The following GPX1 variants were observed in gnomAD, a reference collection of about 807,000 sequenced individuals.
GPX1 encodes the protein glutathione peroxidase 1.
GPX1 carries 8 observed loss-of-function variants against 11.5 expected under a neutral mutation model. That is an observed-to-expected ratio of 0.70 (90% CI 0.41 to 1.25). The LOEUF (loss-of-function observed/expected upper bound fraction) is 1.25, where lower values mean the gene tolerates loss of function less well. Ranked by LOEUF, GPX1 falls within the 50% of genes most tolerant of loss-of-function variation. The pLI is 0.01. For synonymous variants in GPX1, 142 were observed against 127.8 expected (o/e 1.11, Z -0.75); for missense variants, 266 against 284.3 (o/e 0.94, Z 0.46).
Position 49,357,421 on chromosome 3 carries a change from T to C in GPX1, c.579A>G (p.Glu193=), listed in dbSNP as rs781239947. ...FQTIDIEPDI[E]ALLSQGPSCA Reference sequence around the variant, plus strand: ...AGCTGGGCCCTTGAGACAGCAGGGCTTCGATGTCAGGCTCGATGTCAATGG... The same window carrying C: ...AGCTGGGCCCTTGAGACAGCAGGGCCTCGATGTCAGGCTCGATGTCAATGG... The change falls in exon 2 of 2, where the codon GAA becomes GAG. Residue 193 remains glutamate, a synonymous_variant. Coordinates refer to ENST00000419783, the MANE Select transcript of GPX1 (RefSeq NM_000581.4). 5 of 1,611,976 alleles carry C rather than the reference T, an allele frequency of 3.1e-6. No individual in the cohort carries two copies. Among genetic ancestry groups the C allele is most frequent in the African/African-American group, 1.3e-5 (1 of 74,726 alleles).
At chr3:49,357,832 G>C in intron 1 of GPX1, 85 bp from the exon 2 acceptor site, 1 of 1,531,768 alleles carries the variant, frequency 6.5e-7, no homozygotes, top group Non-Finnish European at 8.8e-7. Context: ...TTTTCTATGA[G>C]TCACCGGGAT....
chr3:49,357,668 A>G lies in GPX1; in HGVS notation c.332T>C (p.Leu111Pro), dbSNP rs951109980. The change falls in exon 2 of 2, where the codon CTC (leucine) becomes CCC (proline). Residue 111 changes from leucine to proline, a missense_variant. Physicochemically the swap from Leu to Pro is moderately conservative, Grantham distance 98 (BLOSUM62 -3). Coordinates refer to ENST00000419783, the MANE Select transcript of GPX1 (RefSeq NM_000581.4). ...PGGGFEPNFM[L>P]FEKCEVNGAG... ...ACCGTTCACCTCGCACTTCTCGAAG[A>G]GCATGAAGTTGGGCTCGAACCCACC... is the stretch of plus-strand genomic sequence containing the variant. 3 of 1,613,336 alleles carry G rather than the reference A, an allele frequency of 1.9e-6. No individual in the cohort carries two copies. Among genetic ancestry groups the G allele is most frequent in the African/African-American group, 2.7e-5 (2 of 74,876 alleles).
chr3:49,358,281 C>A lies in GPX1; in HGVS notation c.-3G>T. 2 of 1,536,504 alleles carry A rather than the reference C, an allele frequency of 1.3e-6. No homozygotes were observed. Among genetic ancestry groups the A allele is most frequent in the Non-Finnish European group, 8.8e-7 (1 of 1,139,738 alleles). On this transcript the variant is annotated 5_prime_UTR_variant, in exon 1 of 2. Transcript: ENST00000419783. Reference sequence around the variant, plus strand: ...GCCGCTAGCCGAGCAGCACACATGGCGCAATTGTCCAAGAAGCCAGCGGAG... The same window carrying A: ...GCCGCTAGCCGAGCAGCACACATGGAGCAATTGTCCAAGAAGCCAGCGGAG...
At chr3:49,357,877 G>T in intron 1 of GPX1, 130 bp from the exon 2 acceptor site, 1 of 1,517,632 alleles carries the variant, frequency 6.6e-7, no homozygotes. Context: ...GGGCGGAGAG[G>T]AATTTCAGCA....
Position 49,358,309 on chromosome 3 carries a change from C to T in GPX1, c.-31G>A. 2.6e-6 allele frequency: 4 copies of T among 1,525,762 alleles called. No individual in the cohort carries two copies. Among genetic ancestry groups the T allele is most frequent in the Non-Finnish European group, 3.5e-6 (4 of 1,133,482 alleles). The allele number at this position is 1,525,762 out of a possible 1,614,324, so 94.5% of individuals were successfully genotyped here. On this transcript the variant is annotated 5_prime_UTR_variant, in exon 1 of 2. Coordinates refer to ENST00000419783, the MANE Select transcript of GPX1 (RefSeq NM_000581.4). ...AATTGTCCAAGAAGCCAGCGGAGCG[C>T]CCCGAACAAGCACTGTAAGGGGAGG... is the stretch of plus-strand genomic sequence containing the variant.
rs2107819180 is a variant in GPX1, at chr3:49,357,589, G to A, written c.411C>T (p.Ser137=). The A allele has an allele frequency of 6.2e-7, 1 of 1,613,114 alleles. No homozygotes were observed. The highest frequency in any genetic ancestry group is 8.5e-7 in the Non-Finnish European group (1 of 1,179,860). The change falls in exon 2 of 2, where the codon AGC becomes AGT. Residue 137 remains serine, a synonymous_variant. Coordinates refer to ENST00000419783, the MANE Select transcript of GPX1 (RefSeq NM_000581.4). ...AFLREALPAP[S]DDATALMTDP... Reference sequence around the variant, plus strand: ...CGGTCATAAGCGCGGTGGCGTCGTCGCTGGGAGCTGGCAGGGCCTCCCGCA... The same window carrying A: ...CGGTCATAAGCGCGGTGGCGTCGTCACTGGGAGCTGGCAGGGCCTCCCGCA...
rs891859786 is a variant in GPX1, at chr3:49,357,581, G to A, written c.419C>T (p.Ala140Val). 1 of 1,613,182 alleles carries A rather than the reference G, an allele frequency of 6.2e-7. No individual in the cohort carries two copies. The highest frequency in any genetic ancestry group is 1.7e-5 in the Admixed American group (1 of 60,006). ...CTTGGGGTCGGTCATAAGCGCGGTG[G>A]CGTCGTCGCTGGGAGCTGGCAGGGC... Reference protein sequence around the residue: ...REALPAPSDDATALMTDPKLI... With the variant: ...REALPAPSDDVTALMTDPKLI... The change falls in exon 2 of 2, where the codon GCC (alanine) becomes GTC (valine). Residue 140 changes from alanine to valine, a missense_variant. Physicochemically the swap from Ala to Val is moderately conservative, Grantham distance 64. Coordinates refer to ENST00000419783, the MANE Select transcript of GPX1 (RefSeq NM_000581.4).
Position 49,358,207 on chromosome 3 carries a change from C to T in GPX1, c.72G>A (p.Leu24=), listed in dbSNP as rs1559490092. 2 of 1,553,952 alleles carry T rather than the reference C, an allele frequency of 1.3e-6. No homozygotes were observed. Among genetic ancestry groups the T allele is most frequent in the Admixed American group, 3.9e-5 (2 of 51,224 alleles). Residue 24 remains leucine (L), a synonymous_variant, in exon 1 of 2, where the codon CTG becomes CTA. Transcript: ENST00000419783. The stretch of plus-strand genomic sequence containing the variant: ...CCAGGCTCACAGGCTCCCCGCCGGC[C>T]AGCGGGCGCGCCGAGAAGGCATACA... ...QSVYAFSARP[L]AGGEPVSLGS...
intron 1 of GPX1, 121 bp downstream of exon 1, chr3:49,357,906 G>A (rs1016600294): frequency 1.3e-6 from 2 of 1,503,898 alleles, no homozygotes; most frequent in Non-Finnish European, 1.8e-6. Context: ...CAACAGAAAG[G>A]AAACGAGAGA....
At position 49,357,478 on chromosome 3, in the gene GPX1, C is replaced by T. The variant is rs1035889848; in HGVS notation, c.522G>A (p.Val174=). The part of the protein sequence containing the change: ...FEKFLVGPDG[V]PLRRYSRRFQ... ...AGCGGCGGCTGTACCTGCGTAGGGG[C>T]ACACCGTCAGGGCCCACCAGGAACT... Residue 174 remains valine, a synonymous_variant, in exon 2 of 2, where the codon GTG becomes GTA. Coordinates refer to ENST00000419783, the MANE Select transcript of GPX1 (RefSeq NM_000581.4). The T allele has an allele frequency of 1.9e-6, 3 of 1,613,484 alleles. No individual in the cohort carries two copies. The highest frequency in any genetic ancestry group is 2.2e-5 in the East Asian group (1 of 44,880).
Position 49,358,172 on chromosome 3 carries a change from C to T in GPX1, c.107G>A (p.Arg36Gln), listed in dbSNP as rs1341936194. The T allele has an allele frequency of 1.3e-6, 2 of 1,585,296 alleles. No homozygotes were observed. Among genetic ancestry groups the T allele is most frequent in the Admixed American group, 1.8e-5 (1 of 55,464 alleles). ...GGEPVSLGSL[R>Q]GKVLLIENVA... ...ATTCTCGATAAGTAGTACCTTGCCC[C>T]GCAGGGAGCCCAGGCTCACAGGCTC... Residue 36 changes from arginine to glutamine, a missense_variant, in exon 1 of 2, where the codon CGG becomes CAG. By Grantham distance (43) the Arg-to-Gln change is conservative (BLOSUM62 1). Transcript: ENST00000419783.
rs2047886372 is a variant in GPX1, at chr3:49,358,238, TG to T, written c.40del (p.Gln14SerfsTer17). 6.8e-7 allele frequency: 1 copy of T among 1,459,984 alleles called. No individual in the cohort carries two copies. Among genetic ancestry groups the T allele is most frequent in the African/African-American group, 1.9e-5 (1 of 51,552 alleles). 90.4% of individuals were successfully genotyped at this position (1,459,984 alleles called of 1,614,324 possible). ...ARLAAAAAAA[Q>X]SVYAFSARPL... ...GCGCGCCGAGAAGGCATACACCGACTGGGCCGCCGCCGCCGCCGCCGCTAGC... is the reference window on the plus strand; with the variant it reads ...GCGCGCCGAGAAGGCATACACCGACTGGCCGCCGCCGCCGCCGCCGCTAGC... On this transcript the variant is annotated frameshift_variant, in exon 1 of 2. Transcript: ENST00000419783. LOFTEE classifies it high-confidence loss of function.
Position 49,357,286 on chromosome 3 carries a change from G to A in GPX1, c.*102C>T. ...GAGGTGGTATTTTCTGTAAGATCAGGTGTTCCTCCCTCGTAGGTTTAGAGG... is the reference window on the plus strand; with the variant it reads ...GAGGTGGTATTTTCTGTAAGATCAGATGTTCCTCCCTCGTAGGTTTAGAGG... On this transcript the variant is annotated 3_prime_UTR_variant, in exon 2 of 2. Coordinates refer to ENST00000419783, the MANE Select transcript of GPX1 (RefSeq NM_000581.4). 8.8e-7 allele frequency: 1 copy of A among 1,131,386 alleles called. No individual in the cohort carries two copies. The highest frequency in any genetic ancestry group is 1.5e-5 in the South Asian group (1 of 68,482). 70.1% of individuals were successfully genotyped at this position (1,131,386 alleles called of 1,614,324 possible).
intron 1 of GPX1, 24 bp downstream of exon 1, chr3:49,358,003 C>CCCGCCCCGCT (rs758170205): frequency 5.0e-6 from 8 of 1,596,052 alleles, no homozygotes; most frequent in Admixed American, 3.4e-5. Flanking sequence ...CCGCCCCCGC[C>CCCGCCCCGCT]CCGCCCCGCT....
intron 1 of GPX1, 76 bp from the exon 2 acceptor site, chr3:49,357,823 T>C (rs2047869856): frequency 2.6e-6 from 4 of 1,533,354 alleles, no homozygotes; most frequent in African/African-American, 1.4e-5. Context: ...CAAGGGAGAT[T>C]TTCTATGAGT....
At position 49,357,550 on chromosome 3, in the gene GPX1, G is replaced by A. The variant is rs756117139; in HGVS notation, c.450C>T (p.Ile150=). 4 of 1,613,344 alleles carry A rather than the reference G, an allele frequency of 2.5e-6. No homozygotes were observed. Among genetic ancestry groups the A allele is most frequent in the Admixed American group, 1.7e-5 (1 of 59,984 alleles). ...CGTTGCGACACACCGGAGACCAGGT[G>A]ATGAGCTTGGGGTCGGTCATAAGCG... ...ATALMTDPKL[I]TWSPVCRNDV... is the part of the protein sequence containing the mutation. Residue 150 remains isoleucine (I), a synonymous_variant, in exon 2 of 2, where the codon ATC becomes ATT. Coordinates refer to ENST00000419783, the MANE Select transcript of GPX1 (RefSeq NM_000581.4).
chr3:49,357,902 A>T (rs1243317976), intron 1 of GPX1, 125 bp downstream of exon 1: 1 of 1,504,906 alleles, frequency 6.6e-7, no homozygotes, highest in East Asian at 2.3e-5. Context: ...CGAGCAACAG[A>T]AAGGAAACGA....
Position 49,357,232 on chromosome 3 carries a change from C to A in GPX1, c.*156G>T. 1 of 723,078 alleles carries A rather than the reference C, an allele frequency of 1.4e-6. No individual in the cohort carries two copies. The highest frequency in any genetic ancestry group is 2.9e-5 in the Admixed American group (1 of 34,148). 44.8% of individuals were successfully genotyped at this position (723,078 alleles called of 1,614,324 possible). A position where few individuals can be genotyped will look rare whatever the true frequency, so the allele number is the denominator to read the frequency against. On this transcript the variant is annotated 3_prime_UTR_variant, in exon 2 of 2. Transcript: ENST00000419783. ...GAAACTCGCCTTGGTCTGGCAGAGA[C>A]TGGGATCAACAGGACCAGCACCCAT...
In GPX1 at chr3:49,357,636, C is replaced by A. The variant is rs753923592; in HGVS notation, c.364G>T (p.Ala122Ser). The A allele has an allele frequency of 2.5e-5, 40 of 1,613,510 alleles. No homozygotes were observed. The highest frequency in any genetic ancestry group is 3.3e-5 in the Non-Finnish European group (39 of 1,179,958). The change falls in exon 2 of 2, where the codon GCG becomes TCG. Residue 122 changes from alanine (A) to serine (S), a missense_variant. Transcript: ENST00000419783. ...CGCAGGAAGGCGAAGAGAGGGTGCGCCCCCGCACCGTTCACCTCGCACTTC... is the reference window on the plus strand; with the variant it reads ...CGCAGGAAGGCGAAGAGAGGGTGCGACCCCGCACCGTTCACCTCGCACTTC... ...FEKCEVNGAG[A>S]HPLFAFLREA...
Sources: allele counts gnomAD v4.1 joint callset, GRCh38; gene constraint gnomAD v4.1.1; transcripts MANE v1.5; gene names NCBI Gene and HGNC (gene_info 2026-07-23, HGNC 2026-07-21).